Variants in EXTL3 observed in about 807,000 individuals in gnomAD.
EXTL3 encodes the protein exostosin-like 3.
A neutral mutation model predicts 69.3 loss-of-function variants in EXTL3; 27 were observed. The ratio of observed to expected loss-of-function variants is 0.39; its 90% CI spans 0.29 to 0.54. EXTL3 has a LOEUF of 0.54. EXTL3 is among the 20% of genes least tolerant of loss of function. The pLI is 0.69. For synonymous variants in EXTL3, 511 were observed against 499.4 expected, an observed-to-expected ratio of 1.02 and a Z score of -0.31; for missense variants, 1,003 against 1,231.8, an observed-to-expected ratio of 0.81 and a Z score of 2.78.
chr8:28,717,967 T>C lies in EXTL3; in HGVS notation c.1908T>C (p.Phe636=). ...AATTCTTGGGCTCAGGGACTGGCTTTCGGCCTATTGGTGGTGGAGCTGGGG... is the reference window on the plus strand; with the variant it reads ...AATTCTTGGGCTCAGGGACTGGCTTCCGGCCTATTGGTGGTGGAGCTGGGG... ...EAKFLGSGTG[F]RPIGGGAGGS... The change falls in exon 3 of 7, where the codon TTT becomes TTC. Residue 636 remains phenylalanine (F), a synonymous_variant. Transcript: ENST00000220562. This position sits in a 1 kb window ranked among gnomAD's most constrained non-coding sequence, Gnocchi z 8.3. 4 of 1,614,212 alleles carry C rather than the reference T, an allele frequency of 2.5e-6. No homozygotes were observed. Among genetic ancestry groups the C allele is most frequent in the South Asian group, 1.1e-5 (1 of 91,084 alleles).
chr8:28,661,368 T>A (rs145962562), intron 1 of EXTL3, among the ~76,000 whole-genome samples: 3 of 147,678 alleles, frequency 2.0e-5, no homozygotes, highest in Admixed American at 7.0e-5. Flanking sequence ...CACACACACA[T>A]ATACACACAA....
upstream of EXTL3, chr8:28,700,921 C>T (rs1201753183): frequency 6.6e-6 from 1 of 152,312 alleles, no homozygotes; most frequent in African/African-American, 2.4e-5. Flanking sequence ...ACACGGTGTT[C>T]TTCTTTCCTG....
intron 3 of EXTL3, among the ~76,000 whole-genome samples, chr8:28,721,680 C>G (rs1255512800): frequency 6.6e-6 from 1 of 152,226 alleles, no homozygotes; most frequent in African/African-American, 2.4e-5. Context: ...GCTTACTGAA[C>G]TCTTCTGGAG....
intron 1 of EXTL3, among the ~76,000 whole-genome samples, chr8:28,642,363 T>G (rs1420004140): frequency 6.6e-6 from 1 of 151,192 alleles, no homozygotes; most frequent in Non-Finnish European, 1.5e-5. Context: ...GGACAATCAC[T>G]TGGGCCCAGG....
upstream of EXTL3, chr8:28,700,969 CTGT>C (rs932041940): frequency 2.6e-5 from 4 of 152,274 alleles, no homozygotes; most frequent in African/African-American, 4.8e-5. Context: ...CTAGATTAAC[CTGT>C]TGTTTTTGCA....
intron 1 of EXTL3, among the ~76,000 whole-genome samples, chr8:28,626,218 TAAAG>T (rs1806489041): frequency 6.6e-6 from 1 of 150,442 alleles, no homozygotes; most frequent in Non-Finnish European, 1.5e-5. Context: ...ATGGTGGAGA[TAAAG>T]TACCAAAATA....
At chr8:28,745,348 C>T (rs915789808) in intron 6 of EXTL3, among the ~76,000 whole-genome samples, 2 of 152,124 alleles carry the variant, frequency 1.3e-5, no homozygotes, top group South Asian at 2.1e-4. Flanking sequence ...CATCTGTTGC[C>T]GAGACTTCTG....
intron 3 of EXTL3, among the ~76,000 whole-genome samples, chr8:28,726,883 T>TC (rs200395831): frequency 0.021 from 2,654 of 126,478 alleles, 46 homozygotes; most frequent in Middle Eastern, 0.05. Context: ...TCTTTTCTTT[T>TC]TTTTTTTTTT....
At chr8:28,684,424 G>C (rs567661411) in intron 1 of EXTL3, among the ~76,000 whole-genome samples, 24 of 152,202 alleles carry the variant, frequency 1.6e-4, no homozygotes, top group East Asian at 9.6e-4. Context: ...TTCTATCTGA[G>C]GTGGTTCTGT....
intron 1 of EXTL3, among the ~76,000 whole-genome samples, chr8:28,660,973 G>A (rs1341638987): frequency 6.8e-6 from 1 of 147,736 alleles, no homozygotes; most frequent in Admixed American, 6.8e-5. Context: ...GAGTGCAGTG[G>A]CGCGATCTCT....
chr8:28,659,850 C>CAGTTGCCACTGTACTGG (rs1807078966), intron 1 of EXTL3, among the ~76,000 whole-genome samples: 2 of 152,162 alleles, frequency 1.3e-5, no homozygotes, highest in African/African-American at 4.8e-5. Context: ...TTTGTTGTCT[C>CAGTTGCCACTGTACTGG]AGTTGCCACT....
chr8:28,658,586 T>G (rs1807052695), intron 1 of EXTL3, among the ~76,000 whole-genome samples: 1 of 152,140 alleles, frequency 6.6e-6, no homozygotes, highest in African/African-American at 2.4e-5. Flanking sequence ...CTTGAAAGTT[T>G]CCTCATGCAC....
At chr8:28,620,917 C>G (rs1806402582), upstream of EXTL3, among the ~76,000 whole-genome samples, 1 of 152,136 alleles carries the variant, frequency 6.6e-6, no homozygotes, top group African/African-American at 2.4e-5. Context: ...GTCTGGCTAT[C>G]TTGCCCAGGC....
chr8:28,749,821 G>C (rs566933614), intron 6 of EXTL3, among the ~76,000 whole-genome samples: 1 of 152,256 alleles, frequency 6.6e-6, no homozygotes, highest in East Asian at 1.9e-4. Flanking sequence ...AAGTAGCTGG[G>C]ACTACACCAG....
At chr8:28,728,035 G>T (rs1329300670) in intron 3 of EXTL3, among the ~76,000 whole-genome samples, 1 of 152,200 alleles carries the variant, frequency 6.6e-6, no homozygotes, top group Non-Finnish European at 1.5e-5. Flanking sequence ...TGTGTGAGGG[G>T]GAGCTTTGTT....
chr8:28,679,720 C>T (rs1193523757), intron 1 of EXTL3, among the ~76,000 whole-genome samples: 2 of 121,832 alleles, frequency 1.6e-5, no homozygotes, highest in Non-Finnish European at 3.5e-5. Flanking sequence ...AAGACCCGAC[C>T]CTACCTCTTA....
At chr8:28,696,340 G>A (rs1283816137) in intron 1 of EXTL3, 2 of 152,202 alleles carry the variant, frequency 1.3e-5, no homozygotes, top group Non-Finnish European at 2.9e-5. Context: ...CATTATCACT[G>A]CCCAGATGGC....
At chr8:28,698,414 T>C (rs1800718559), upstream of EXTL3, 1 of 152,188 alleles carries the variant, frequency 6.6e-6, no homozygotes, top group Non-Finnish European at 1.5e-5. Flanking sequence ...TGCTCTGTGG[T>C]GTTGGACACC....
intron 3 of EXTL3, among the ~76,000 whole-genome samples, chr8:28,722,754 A>T (rs1466549220): frequency 1.4e-5 from 2 of 141,458 alleles, no homozygotes; most frequent in Non-Finnish European, 3.1e-5. Flanking sequence ...AGCCTGGGTG[A>T]TAGAGGGAGA....
Sources: allele counts gnomAD v4.1 joint callset (sites outside exome capture counted in the v4.1 genomes callset), GRCh38; gene constraint gnomAD v4.1.1; non-coding constraint Gnocchi (gnomAD v3.1); transcripts MANE v1.5; gene names NCBI Gene and HGNC (gene_info 2026-07-23, HGNC 2026-07-21).